The following GNA12 variants were observed in gnomAD, a reference collection of about 807,000 sequenced individuals.
GNA12 encodes G protein subunit alpha 12.
A neutral mutation model predicts 26.0 loss-of-function variants in GNA12; 9 were observed. The observed-to-expected ratio is 0.35, with a 90% CI of 0.21 to 0.60. The LOEUF is 0.60. Among genes scored for constraint, GNA12 ranks in the 20% least tolerant of loss-of-function variants. The pLI, the probability that GNA12 is intolerant of heterozygous loss-of-function variation, is 0.78. For missense variants in GNA12, 405 were observed against 525.8 expected (o/e 0.77, Z 2.25); for synonymous variants, 264 against 219.6 (o/e 1.20, Z -1.79).
At chr7:2,776,628 A>T (rs1792084191) in intron 2 of GNA12, among the ~76,000 whole-genome samples, 1 of 152,202 alleles carries the variant, frequency 6.6e-6, no homozygotes, top group South Asian at 2.1e-4. Flanking sequence ...TTGCCGAGAG[A>T]GGAGCAGGCT....
chr7:2,817,183 G>A (rs1282413214), intron 1 of GNA12, among the ~76,000 whole-genome samples: 2 of 152,192 alleles, frequency 1.3e-5, no homozygotes, highest in African/African-American at 4.8e-5. Flanking sequence ...TCGGCTCACC[G>A]CAACCTCCAC....
rs138647233 is a variant in GNA12, at chr7:2,841,716, G to A, written c.309+2137C>T. 1.2e-3 allele frequency among the ~76,000 whole-genome samples: 188 copies of A among 152,324 alleles called. No homozygotes were observed. The East Asian group carries it at 0.013, about 10-fold the overall frequency. On this transcript the variant is annotated intron_variant, in intron 1 of 3. Coordinates refer to ENST00000275364, the MANE Select transcript of GNA12 (RefSeq NM_007353.3). ...CGAATACTGGCCTGGAAGTCTGGAG[G>A]CCAGGATTCCAGCACAGAGACCCCA...
At chr7:2,806,720 G>T (rs1792959712) in intron 1 of GNA12, among the ~76,000 whole-genome samples, 1 of 152,102 alleles carries the variant, frequency 6.6e-6, no homozygotes, top group South Asian at 2.1e-4. Flanking sequence ...TGTCATTCAA[G>T]ATTTCAAGAT....
intron 2 of GNA12, among the ~76,000 whole-genome samples, chr7:2,742,073 G>A (rs1790534628): frequency 6.6e-6 from 1 of 151,766 alleles, no homozygotes; most frequent in Admixed American, 6.6e-5. Context: ...CCAGGCTAGA[G>A]TGCAGTGGGG....
At chr7:2,781,347 C>T (rs904515325) in intron 2 of GNA12, among the ~76,000 whole-genome samples, 12 of 151,906 alleles carry the variant, frequency 7.9e-5, no homozygotes, top group South Asian at 4.1e-4. Flanking sequence ...CACACACACA[C>T]GCACACGTTA....
intron 2 of GNA12, among the ~76,000 whole-genome samples, chr7:2,761,698 G>A (rs1051211942): frequency 7.2e-5 from 11 of 152,088 alleles, no homozygotes; most frequent in Non-Finnish European, 1.2e-4. Context: ...TCCTTTGACC[G>A]AATCCTTGAA....
intron 1 of GNA12, among the ~76,000 whole-genome samples, chr7:2,808,516 G>C (rs3823602): frequency 0.18 from 26,963 of 152,212 alleles, 2,431 homozygotes; most frequent in Non-Finnish European, 0.2. Flanking sequence ...GGATGGGATG[G>C]AGAGGGACCT....
At chr7:2,836,278 A>G (rs1778835549) in intron 1 of GNA12, among the ~76,000 whole-genome samples, 1 of 152,226 alleles carries the variant, frequency 6.6e-6, no homozygotes, top group Admixed American at 6.5e-5. Context: ...AAAGACCAGG[A>G]TGATGGAGAC....
chr7:2,731,353 T>G lies in GNA12; in HGVS notation c.974A>C (p.Glu325Ala). Residue 325 changes from glutamate (E) to alanine (A), a missense_variant, in exon 4 of 4, where the codon GAG becomes GCG. Physicochemically the swap from Glu to Ala is moderately radical, Grantham distance 107 (BLOSUM62 -1). Transcript: ENST00000275364. The surrounding 1 kb of genome is among the most constrained non-coding windows in gnomAD (Gnocchi z 6.0). ...CTGGACCAGGTAGCGCTGGACGTCC[T>G]CCAGCCTGTGCGGGTCGCCCCTGAA... ...PDFRGDPHRL[E>A]DVQRYLVQCF... 6.2e-7 allele frequency: 1 copy of G among 1,613,992 alleles called. No individual in the cohort carries two copies. Among genetic ancestry groups the G allele is most frequent in the South Asian group, 1.1e-5 (1 of 91,058 alleles).
intron 1 of GNA12, among the ~76,000 whole-genome samples, chr7:2,827,812 A>C (rs1793518261): frequency 6.6e-6 from 1 of 152,214 alleles, no homozygotes; most frequent in Admixed American, 6.5e-5. Flanking sequence ...TAACTACAAA[A>C]ACATCGCGCA....
chr7:2,791,743 C>T (rs946428928), intron 2 of GNA12, among the ~76,000 whole-genome samples: 3 of 152,102 alleles, frequency 2.0e-5, no homozygotes, highest in African/African-American at 4.8e-5. Flanking sequence ...GGGGAGGGAG[C>T]CCTGGTAACG....
chr7:2,817,525 C>T (rs1027842904), intron 1 of GNA12, among the ~76,000 whole-genome samples: 5 of 152,230 alleles, frequency 3.3e-5, no homozygotes, highest in African/African-American at 1.2e-4. Context: ...TCTGCTCTGC[C>T]CACACCAGCC....
Position 2,747,394 on chromosome 7 carries a change from T to C in GNA12, c.526-13893A>G, listed in dbSNP as rs185993348. Among the ~76,000 whole-genome samples the C allele has an allele frequency of 3.0e-4, 46 of 152,196 alleles. No homozygotes were observed. The East Asian group carries it at 8.5e-3, about 28-fold the overall frequency. The stretch of plus-strand genomic sequence containing the variant: ...ATGCAAATCAATAAATGTAATCCAG[T>C]ATATAAACAGAACCAAAGACAAAAA... On this transcript the variant is annotated intron_variant, in intron 2 of 3. Coordinates refer to ENST00000275364, the MANE Select transcript of GNA12 (RefSeq NM_007353.3).
intron 1 of GNA12, among the ~76,000 whole-genome samples, chr7:2,809,123 C>G (rs1054859483): frequency 2.0e-5 from 3 of 152,216 alleles, no homozygotes; most frequent in Non-Finnish European, 4.4e-5. Flanking sequence ...TTCCGGCTGG[C>G]TACCCGCCTT....
chr7:2,758,704 G>C (rs760573016), intron 2 of GNA12, among the ~76,000 whole-genome samples: 1 of 152,196 alleles, frequency 6.6e-6, no homozygotes, highest in African/African-American at 2.4e-5. Context: ...CTGTGTAGCA[G>C]CGTGCCCCTA....
intron 2 of GNA12, among the ~76,000 whole-genome samples, chr7:2,774,838 T>C (rs990659268): frequency 9.9e-5 from 15 of 152,226 alleles, no homozygotes; most frequent in African/African-American, 3.6e-4. Context: ...TACGCAGCTA[T>C]CTGTGTTACT....
intron 1 of GNA12, among the ~76,000 whole-genome samples, chr7:2,822,196 A>G (rs1793384583): frequency 6.6e-6 from 1 of 152,244 alleles, no homozygotes; most frequent in South Asian, 2.1e-4. Context: ...GTGGGAAGCT[A>G]TGCCTCCTCC....
intron 2 of GNA12, among the ~76,000 whole-genome samples, chr7:2,748,388 T>C (rs955811244): frequency 6.6e-6 from 1 of 152,324 alleles, no homozygotes; most frequent in African/African-American, 2.4e-5. Context: ...TTGACAAACC[T>C]GACAGAAACA....
chr7:2,762,875 G>T, intron 2 of GNA12: 1 of 1,442,438 alleles, frequency 6.9e-7, no homozygotes, highest in Admixed American at 2.7e-5. Flanking sequence ...TCCGAGCCCT[G>T]CTCGTGGAGC....
Sources: allele counts gnomAD v4.1 joint callset (sites outside exome capture counted in the v4.1 genomes callset), GRCh38; gene constraint gnomAD v4.1.1; non-coding constraint Gnocchi (gnomAD v3.1); transcripts MANE v1.5; gene names NCBI Gene and HGNC (gene_info 2026-07-23, HGNC 2026-07-21).